CCSER1: variants seen among roughly 807,000 people sequenced by gnomAD.
CCSER1 encodes serine-rich coiled-coil domain-containing protein 1.
CCSER1 carries 41 observed loss-of-function variants against 82.0 expected under a neutral mutation model. That is an observed-to-expected ratio of 0.50 (90% CI 0.39 to 0.65). The LOEUF (loss-of-function observed/expected upper bound fraction) is 0.65, where lower values mean the gene tolerates loss of function less well. Ranked by LOEUF, CCSER1 falls within the 30% of genes least tolerant of loss-of-function variation. CCSER1 has a pLI of 0.00. For missense variants in CCSER1, 1,119 were observed against 1,064.2 expected (o/e 1.05, Z -0.72); for synonymous variants, 414 against 383.9 (o/e 1.08, Z -0.92).
chr4:90,217,081 G>A (rs1245396561), intron 1 of CCSER1, among the ~76,000 whole-genome samples: 12 of 152,064 alleles, frequency 7.9e-5, no homozygotes, highest in Admixed American at 7.9e-4. Flanking sequence ...GATTTGACTT[G>A]GATGTTATTG....
At chr4:90,880,347 C>T (rs1197605165) in intron 8 of CCSER1, among the ~76,000 whole-genome samples, 1 of 152,112 alleles carries the variant, frequency 6.6e-6, no homozygotes. Flanking sequence ...TCAGTAATCA[C>T]TCAGTGCAGT....
intron 1 of CCSER1, among the ~76,000 whole-genome samples, chr4:90,177,717 C>T (rs890126745): frequency 5.9e-5 from 9 of 152,114 alleles, no homozygotes; most frequent in African/African-American, 2.2e-4. Flanking sequence ...CTTTTCTTCA[C>T]AAGACTAGCT....
At chr4:90,437,816 A>G (rs1759253153) in intron 4 of CCSER1, among the ~76,000 whole-genome samples, 1 of 152,182 alleles carries the variant, frequency 6.6e-6, no homozygotes, top group African/African-American at 2.4e-5. Flanking sequence ...ATGAAATTAT[A>G]TTAATAATAT....
At chr4:90,149,362 T>C (rs1223896220) in intron 1 of CCSER1, among the ~76,000 whole-genome samples, 1 of 151,996 alleles carries the variant, frequency 6.6e-6, no homozygotes, top group Non-Finnish European at 1.5e-5. Context: ...TATTTTATTG[T>C]TGCTGTTTTC....
At chr4:90,288,687 A>G (rs1366875085) in intron 1 of CCSER1, among the ~76,000 whole-genome samples, 1 of 151,996 alleles carries the variant, frequency 6.6e-6, no homozygotes, top group Non-Finnish European at 1.5e-5. Context: ...CTACATAGGC[A>G]TGGATACCTT....
intron 1 of CCSER1, among the ~76,000 whole-genome samples, chr4:90,295,922 A>G (rs1227726742): frequency 1.3e-5 from 2 of 152,052 alleles, no homozygotes; most frequent in African/African-American, 4.8e-5. Context: ...CTTCTAGGAA[A>G]TCTATCCTGG....
intron 5 of CCSER1, among the ~76,000 whole-genome samples, chr4:90,599,118 C>G (rs574037922): frequency 6.6e-6 from 1 of 152,170 alleles, no homozygotes; most frequent in South Asian, 2.1e-4. Context: ...TGCTCAGGAA[C>G]TGTAAAGACT....
In CCSER1 at chr4:91,059,455, T is replaced by TTATATATATA. The variant is rs56706370; in HGVS notation, c.2173-26484_2173-26475dup. Among the ~76,000 whole-genome samples the TTATATATATA allele has an allele frequency of 3.8e-3, 557 of 145,794 alleles. 6 individuals carry two copies. Among genetic ancestry groups the TTATATATATA allele is most frequent in the South Asian group, 0.036 (166 of 4,622 alleles). On this transcript the variant is annotated intron_variant, in intron 9 of 10. Transcript: ENST00000509176. ...ATTTTATTTGTATGCTTTATTAAGG[T>TTATATATATA]TATATATATATATATATATAAGTCT...
intron 3 of CCSER1, among the ~76,000 whole-genome samples, chr4:90,338,316 G>T (rs949857130): frequency 6.6e-6 from 1 of 152,116 alleles, no homozygotes; most frequent in Non-Finnish European, 1.5e-5. Flanking sequence ...TTGGACAAAT[G>T]ATTTTCTGAT....
chr4:90,698,598 G>T (rs1579994190), intron 6 of CCSER1, among the ~76,000 whole-genome samples: 2 of 152,234 alleles, frequency 1.3e-5, no homozygotes, highest in East Asian at 3.9e-4. Context: ...TGATATAAAT[G>T]ATCCAACTAT....
At chr4:91,374,859 G>T (rs1750292446) in intron 10 of CCSER1, among the ~76,000 whole-genome samples, 1 of 152,168 alleles carries the variant, frequency 6.6e-6, no homozygotes, top group Admixed American at 6.6e-5. Context: ...AGCCAGGCAT[G>T]GTGGTGCACA....
chr4:90,290,274 A>G (rs1327658828), intron 1 of CCSER1, among the ~76,000 whole-genome samples: 1 of 151,934 alleles, frequency 6.6e-6, no homozygotes. Flanking sequence ...TGTTTTGAGC[A>G]ACATTGACCC....
intron 10 of CCSER1, among the ~76,000 whole-genome samples, chr4:91,541,016 C>T (rs913605001): frequency 6.6e-6 from 1 of 152,060 alleles, no homozygotes; most frequent in African/African-American, 2.4e-5. Flanking sequence ...ATTGAATTGG[C>T]TTTTCTGTAT....
intron 8 of CCSER1, among the ~76,000 whole-genome samples, chr4:90,863,370 T>G (rs1325635423): frequency 6.6e-6 from 1 of 151,978 alleles, no homozygotes; most frequent in Non-Finnish European, 1.5e-5. Context: ...ACAAACATTA[T>G]TCACAGGAAT....
chr4:91,443,649 TATAATA>T (rs1197253686), intron 10 of CCSER1, among the ~76,000 whole-genome samples: 1 of 149,678 alleles, frequency 6.7e-6, no homozygotes, highest in Non-Finnish European at 1.5e-5. Context: ...AAACTTAAAG[TATAATA>T]ATAATAAAAT....
chr4:91,489,462 C>G (rs1337258960), intron 10 of CCSER1, among the ~76,000 whole-genome samples: 1 of 152,120 alleles, frequency 6.6e-6, no homozygotes, highest in East Asian at 1.9e-4. Flanking sequence ...GTTAGATAGT[C>G]TTTGACATCA....
At chr4:91,510,758 T>C (rs1759774373) in intron 10 of CCSER1, among the ~76,000 whole-genome samples, 1 of 152,200 alleles carries the variant, frequency 6.6e-6, no homozygotes, top group Non-Finnish European at 1.5e-5. Context: ...AAATATTTTC[T>C]CCCATTCTAT....
At chr4:91,568,633 CT>C (rs1219072436) in intron 10 of CCSER1, among the ~76,000 whole-genome samples, 1 of 152,082 alleles carries the variant, frequency 6.6e-6, no homozygotes, top group Non-Finnish European at 1.5e-5. Flanking sequence ...TTAGTTTATT[CT>C]GCTGTTAATA....
intron 1 of CCSER1, among the ~76,000 whole-genome samples, chr4:90,165,854 T>G (rs937157260): frequency 6.6e-6 from 1 of 151,860 alleles, no homozygotes; most frequent in Non-Finnish European, 1.5e-5. Context: ...ATATGGAAGG[T>G]GAGATGATAA....
Sources: gnomAD v4.1 joint callset for allele counts (sites outside exome capture counted in the v4.1 genomes callset) on GRCh38, gnomAD v4.1.1 for gene constraint, MANE v1.5 for transcripts, NCBI Gene and HGNC (gene_info 2026-07-23, HGNC 2026-07-21) for gene names.